The following ST3GAL5 variants were observed in gnomAD, a reference collection of about 807,000 sequenced individuals.
ST3GAL5 encodes ST3 beta-galactoside alpha-2,3-sialyltransferase 5, also known as lactosylceramide alpha-2,3-sialyltransferase.
In ST3GAL5, 25 loss-of-function variants were observed where a neutral mutation model predicts 46.1. The observed-to-expected ratio is 0.54, with a 90% CI of 0.40 to 0.76. The LOEUF is 0.76. Among genes scored for constraint, ST3GAL5 ranks in the 30% least tolerant of loss-of-function variants. ST3GAL5 has a pLI of 0.00. For missense variants in ST3GAL5, 431 were observed against 521.2 expected (o/e 0.83, Z 1.69); for synonymous variants, 182 against 192.7 (o/e 0.94, Z 0.46).
chr2:85,863,189 C>G (rs1363686716), intron 2 of ST3GAL5, among the ~76,000 whole-genome samples, 173 bp downstream of exon 2: 1 of 152,172 alleles, frequency 6.6e-6, no homozygotes, highest in Non-Finnish European at 1.5e-5. Context: ...CAGGCTCACT[C>G]CGGCTGTGCA....
At chr2:85,875,341 GTGAGTTACCACACTTGCC>G (rs1558699860) in intron 1 of ST3GAL5, 1 of 148,802 alleles carries the variant, frequency 6.7e-6, no homozygotes, top group Non-Finnish European at 1.5e-5. Context: ...ATTTGCAGGC[GTGAGTTACCACACTTGCC>G]TGATTTTTTT....
chr2:85,853,099 T>C (rs1683716030), intron 3 of ST3GAL5: 1 of 1,303,134 alleles, frequency 7.7e-7, no homozygotes, highest in African/African-American at 1.5e-5. Flanking sequence ...GGTCTTTAGC[T>C]CTCAGAAAGG....
At chr2:85,863,531 A>C (rs758685757) in intron 1 of ST3GAL5, 46 bp from the exon 2 acceptor site, 1 of 1,606,050 alleles carries the variant, frequency 6.2e-7, no homozygotes, top group South Asian at 1.1e-5. Context: ...GAGAGGAGAG[A>C]GTTAGGAGGA....
intron 1 of ST3GAL5, among the ~76,000 whole-genome samples, chr2:85,866,825 T>C (rs555887055): frequency 2.0e-5 from 3 of 152,320 alleles, no homozygotes; most frequent in South Asian, 2.1e-4. Context: ...AGGACAGAGA[T>C]TGGCACACAG....
At chr2:85,857,429 C>T (rs1036939694) in intron 3 of ST3GAL5, among the ~76,000 whole-genome samples, 3 of 150,300 alleles carry the variant, frequency 2.0e-5, no homozygotes, top group African/African-American at 7.4e-5. Context: ...CCCAGCTACT[C>T]GGGAGGCTGA....
chr2:85,846,697 C>A, intron 4 of ST3GAL5, 134 bp from the exon 5 acceptor site: 1 of 795,010 alleles, frequency 1.3e-6, no homozygotes, highest in East Asian at 2.6e-5. Context: ...GCAGCCTCAT[C>A]TCCCCTCCCA....
chr2:85,846,838 G>C (rs1478872218), intron 4 of ST3GAL5: 1 of 340,466 alleles, frequency 2.9e-6, no homozygotes, highest in Non-Finnish European at 5.4e-6. Context: ...ATTACATTTG[G>C]GACTTTCTCT....
At position 85,869,102 on chromosome 2, in the gene ST3GAL5, T is replaced by C. The variant is rs561636061; in HGVS notation, c.83-5617A>G. Among the ~76,000 whole-genome samples the C allele has an allele frequency of 5.3e-5, 8 of 152,312 alleles. No homozygotes were observed. In the South Asian group the frequency reaches 1.7e-3, roughly 32 times the overall value. ...TCTTGCTCTGTTGCCAAGGCAACAG[T>C]GCAGTGGTGTGATCATAACTCACTG... On this transcript the variant is annotated intron_variant, in intron 1 of 6. Coordinates refer to ENST00000638572, the MANE Select transcript of ST3GAL5 (RefSeq NM_003896.4).
intron 1 of ST3GAL5, among the ~76,000 whole-genome samples, chr2:85,880,088 T>C (rs992151054): frequency 1.3e-5 from 2 of 152,106 alleles, no homozygotes; most frequent in African/African-American, 4.8e-5. Context: ...GTATGTCTTA[T>C]AGGAACAGAA....
At chr2:85,888,478 C>A (rs957307922) in intron 1 of ST3GAL5, 5 of 175,236 alleles carry the variant, frequency 2.9e-5, no homozygotes, top group African/African-American at 1.2e-4. Context: ...CGAGTTAACT[C>A]GGCTCTGCTA....
intron 1 of ST3GAL5, among the ~76,000 whole-genome samples, chr2:85,878,961 T>C (rs979849121): frequency 2.0e-5 from 3 of 151,928 alleles, no homozygotes; most frequent in East Asian, 3.9e-4. Context: ...AGGAAGGTAA[T>C]GCCAAGACAC....
At chr2:85,859,222 G>A (rs1684468951) in intron 3 of ST3GAL5, among the ~76,000 whole-genome samples, 1 of 152,116 alleles carries the variant, frequency 6.6e-6, no homozygotes, top group African/African-American at 2.4e-5. Context: ...CTTTACAGTT[G>A]GTCAGATGGT....
chr2:85,865,749 G>A (rs1313638745), intron 1 of ST3GAL5: 1 of 152,252 alleles, frequency 6.6e-6, no homozygotes, highest in Non-Finnish European at 1.5e-5. Flanking sequence ...AAGACTCCAG[G>A]GCTTCCGCCT....
chr2:85,852,860 C>G (rs1382152460), intron 3 of ST3GAL5: 14 of 1,303,918 alleles, frequency 1.1e-5, no homozygotes, highest in Non-Finnish European at 1.4e-5. Context: ...GTTTTCTTAC[C>G]TCTAAGATAT....
chr2:85,859,411 G>A lies in ST3GAL5; in HGVS notation c.318+1770C>T, dbSNP rs548418029. On this transcript the variant is annotated intron_variant, in intron 3 of 6. Transcript: ENST00000638572. ...TTATCCAAGAGAGCTGTGAAGCGCC[G>A]TGGAATTGCAAAGGACTGGGGGAGG... Among the ~76,000 whole-genome samples, 3 of 152,304 alleles carry A rather than the reference G, an allele frequency of 2.0e-5. No homozygotes were observed. The South Asian group carries it at 6.2e-4, about 32-fold the overall frequency.
chr2:85,870,912 G>A (rs1043851592), intron 1 of ST3GAL5, among the ~76,000 whole-genome samples: 16 of 152,032 alleles, frequency 1.1e-4, no homozygotes, highest in Admixed American at 4.6e-4. Context: ...TGATCCGCCC[G>A]CCTTGGCCGC....
At position 85,844,395 on chromosome 2, in the gene ST3GAL5, C is replaced by T; in HGVS notation, c.1008+1G>A. The T allele has an allele frequency of 6.2e-7, 1 of 1,614,170 alleles. No homozygotes were observed. The highest frequency in any genetic ancestry group is 8.5e-7 in the Non-Finnish European group (1 of 1,180,028). On this transcript the variant is annotated splice_donor_variant, in intron 6 of 6. Coordinates refer to ENST00000638572, the MANE Select transcript of ST3GAL5 (RefSeq NM_003896.4). LOFTEE classifies it high-confidence loss of function. ...TTAACTTTGAGTAGCAACAAAAATACCTTATCTCGGCCCCAGAACCTTGAC... is the reference window on the plus strand; with the variant it reads ...TTAACTTTGAGTAGCAACAAAAATATCTTATCTCGGCCCCAGAACCTTGAC...
intron 1 of ST3GAL5, among the ~76,000 whole-genome samples, chr2:85,872,512 G>A (rs187109205): frequency 2.2e-4 from 33 of 151,924 alleles, no homozygotes; most frequent in Non-Finnish European, 3.5e-4. Context: ...GAACCCAGGA[G>A]GTGGAGGTTG....
chr2:85,877,805 G>C (rs1047529453), intron 1 of ST3GAL5, among the ~76,000 whole-genome samples: 1 of 152,096 alleles, frequency 6.6e-6, no homozygotes, highest in African/African-American at 2.4e-5. Flanking sequence ...AACAGTAGGT[G>C]ATGAACAAAA....
Sources: allele counts gnomAD v4.1 joint callset (sites outside exome capture counted in the v4.1 genomes callset), GRCh38; gene constraint gnomAD v4.1.1; transcripts MANE v1.5; gene names NCBI Gene and HGNC (gene_info 2026-07-23, HGNC 2026-07-21).